The following ALMS1 variants were observed in gnomAD, a reference collection of about 807,000 sequenced individuals.
ALMS1 encodes the protein ALMS1 centrosome and basal body associated protein.
Under a neutral mutation model 352.2 loss-of-function variants are expected in ALMS1, and 271 were observed. The ratio of observed to expected loss-of-function variants is 0.77; its 90% CI spans 0.70 to 0.85. The LOEUF (loss-of-function observed/expected upper bound fraction) is 0.85. Ranked by LOEUF, ALMS1 falls within the 40% of genes least tolerant of loss-of-function variation. The pLI is 0.00. For missense variants in ALMS1, 5,445 were observed against 4,870.7 expected (o/e 1.12, Z -3.51); for synonymous variants, 1,865 against 1,761.2 (o/e 1.06, Z -1.48).
intron 16 of ALMS1, among the ~76,000 whole-genome samples, chr2:73,582,319 G>T (rs1009053788): frequency 6.6e-6 from 1 of 152,004 alleles, no homozygotes; most frequent in Non-Finnish European, 1.5e-5. Context: ...TTAAATAAAG[G>T]TGTGTTCAAC....
intron 9 of ALMS1, among the ~76,000 whole-genome samples, chr2:73,466,463 A>C (rs1251295540): frequency 8.1e-6 from 1 of 124,132 alleles, no homozygotes; most frequent in Non-Finnish European, 1.6e-5. Context: ...GAAGGGGAAC[A>C]TCACACTCTG....
chr2:73,601,171 C>A, intron 18 of ALMS1, 24 bp from the exon 19 acceptor site: 1 of 1,613,834 alleles, frequency 6.2e-7, no homozygotes, highest in South Asian at 1.1e-5. Flanking sequence ...AATCTGTGTT[C>A]CTTCTAAAAA....
At chr2:73,461,477 A>G (rs1672200641) in intron 9 of ALMS1, among the ~76,000 whole-genome samples, 1 of 152,230 alleles carries the variant, frequency 6.6e-6, no homozygotes, top group Admixed American at 6.5e-5. Flanking sequence ...ATCAAAGACC[A>G]AAGGTAGATA....
chr2:73,504,427 C>T (rs1292957760), intron 10 of ALMS1, among the ~76,000 whole-genome samples: 1 of 152,144 alleles, frequency 6.6e-6, no homozygotes, highest in African/African-American at 2.4e-5. Context: ...CTCAAGCCAG[C>T]CTTCTTTAAC....
At chr2:73,511,256 A>G (rs1160321854) in intron 10 of ALMS1, among the ~76,000 whole-genome samples, 2 of 151,348 alleles carry the variant, frequency 1.3e-5, no homozygotes, top group Non-Finnish European at 2.9e-5. Flanking sequence ...TCCTGCAACT[A>G]TCTCGGTGTC....
intron 5 of ALMS1, among the ~76,000 whole-genome samples, chr2:73,425,768 A>G (rs1671365994): frequency 6.6e-6 from 1 of 152,218 alleles, no homozygotes; most frequent in African/African-American, 2.4e-5. Flanking sequence ...CCATGCTATC[A>G]GTCTACTCCT....
In ALMS1 at chr2:73,603,288, A is replaced by T. The variant is rs1415324995; in HGVS notation, c.12346A>T (p.Ile4116Phe). The T allele has an allele frequency of 1.2e-6, 2 of 1,614,166 alleles. No homozygotes were observed. The highest frequency in any genetic ancestry group is 2.7e-5 in the African/African-American group (2 of 75,050). The change falls in exon 21 of 23, where the codon ATT (isoleucine) becomes TTT (phenylalanine). Residue 4116 changes from isoleucine to phenylalanine, a missense_variant. Transcript: ENST00000613296. Reference protein sequence around the residue: ...KNKPISKKEMIQRSKRIYEQL... With the variant: ...KNKPISKKEMFQRSKRIYEQL... The stretch of plus-strand genomic sequence containing the variant: ...CAAGCCTATCAGCAAGAAGGAAATG[A>T]TTCAGAGGTCCAAACGGTAAGACCA...
intron 9 of ALMS1, among the ~76,000 whole-genome samples, chr2:73,481,326 A>G (rs1672698808): frequency 6.6e-6 from 1 of 152,168 alleles, no homozygotes; most frequent in East Asian, 1.9e-4. Context: ...CCATTTATTA[A>G]ACAGGGAATC....
At chr2:73,401,831 A>G (rs1670877471) in intron 1 of ALMS1, among the ~76,000 whole-genome samples, 1 of 152,132 alleles carries the variant, frequency 6.6e-6, no homozygotes. Flanking sequence ...TCTGACCTGC[A>G]TCTCCCCATT....
chr2:73,542,868 T>C lies in ALMS1; in HGVS notation c.9908-7399T>C, dbSNP rs1573007623. ...CACTACTCAATGAAATAAAAGAGGA[T>C]ACAAACAAATGGAAGAACATTCCAT... On this transcript the variant is annotated intron_variant, in intron 12 of 22. Transcript: ENST00000613296. 3.3e-5 allele frequency among the ~76,000 whole-genome samples: 5 copies of C among 152,032 alleles called. 1 individual carries two copies.
intron 9 of ALMS1, among the ~76,000 whole-genome samples, chr2:73,460,206 A>C (rs897682795): frequency 2.0e-5 from 3 of 151,770 alleles, no homozygotes; most frequent in African/African-American, 7.3e-5. Flanking sequence ...CCCAGCCCCA[A>C]CTCTTTCAAC....
intron 16 of ALMS1, among the ~76,000 whole-genome samples, chr2:73,577,757 T>C (rs977523150): frequency 2.6e-5 from 4 of 152,206 alleles, no homozygotes; most frequent in Non-Finnish European, 5.9e-5. Flanking sequence ...TCCATTGTGA[T>C]CAGAGAATAT....
rs750580325 is a variant in ALMS1, at chr2:73,493,534, T to C, written c.9539+2036T>C. ...GGTTGAGAATTTGAGACCAGCATGATCAACATGGAGAAGCCCCATCTCTAC... is the reference window on the plus strand; with the variant it reads ...GGTTGAGAATTTGAGACCAGCATGACCAACATGGAGAAGCCCCATCTCTAC... On this transcript the variant is annotated intron_variant, in intron 10 of 22. Coordinates refer to ENST00000613296, the MANE Select transcript of ALMS1 (RefSeq NM_001378454.1). Among the ~76,000 whole-genome samples the C allele has an allele frequency of 7.2e-5, 11 of 151,866 alleles. 1 individual carries two copies. The highest frequency in any genetic ancestry group is 1.5e-5 in the Non-Finnish European group (1 of 67,944).
intron 12 of ALMS1, among the ~76,000 whole-genome samples, chr2:73,535,435 G>A (rs1021916971): frequency 6.6e-6 from 1 of 152,140 alleles, no homozygotes; most frequent in East Asian, 1.9e-4. Flanking sequence ...TGACATATGT[G>A]TAGCTGTTGG....
At chr2:73,407,707 G>A (rs1196453198) in intron 1 of ALMS1, among the ~76,000 whole-genome samples, 2 of 152,038 alleles carry the variant, frequency 1.3e-5, no homozygotes, top group African/African-American at 2.4e-5. Flanking sequence ...ACAGGTGCAT[G>A]CCATCATGCC....
intron 21 of ALMS1, among the ~76,000 whole-genome samples, chr2:73,607,769 G>C (rs1573060753): frequency 6.6e-6 from 1 of 151,216 alleles, no homozygotes; most frequent in African/African-American, 2.4e-5. Context: ...TCAGCCTCCT[G>C]AGTAGCTGAG....
At chr2:73,516,085 T>C (rs1673549619) in intron 10 of ALMS1, among the ~76,000 whole-genome samples, 1 of 152,140 alleles carries the variant, frequency 6.6e-6, no homozygotes, top group South Asian at 2.1e-4. Flanking sequence ...TGTAAGGAAC[T>C]TAAGCAGTTC....
chr2:73,532,069 CT>C (rs1673927260), intron 11 of ALMS1, among the ~76,000 whole-genome samples: 1 of 152,226 alleles, frequency 6.6e-6, no homozygotes, highest in South Asian at 2.1e-4. Context: ...GGTAGAGACT[CT>C]TGTTCTTTTC....
chr2:73,481,359 T>A (rs1672699608), intron 9 of ALMS1, among the ~76,000 whole-genome samples: 1 of 152,164 alleles, frequency 6.6e-6, no homozygotes, highest in Non-Finnish European at 1.5e-5. Context: ...CTTGTTTTTC[T>A]CAGGTTTGTC....
Sources: gnomAD v4.1 joint callset for allele counts (sites outside exome capture counted in the v4.1 genomes callset) on GRCh38, gnomAD v4.1.1 for gene constraint, MANE v1.5 for transcripts, NCBI Gene and HGNC (gene_info 2026-07-23, HGNC 2026-07-21) for gene names.